The following ARSK variants were observed in gnomAD, a reference collection of about 807,000 sequenced individuals.
ARSK encodes arylsulfatase family member K, also known as arylsulfatase K.
Under a neutral mutation model 53.2 loss-of-function variants are expected in ARSK, and 37 were observed. The ratio of observed to expected loss-of-function variants is 0.70; its 90% confidence interval spans 0.54 to 0.92. The LOEUF (loss-of-function observed/expected upper bound fraction) is 0.92, where lower values mean the gene tolerates loss of function less well. Ranked by LOEUF, ARSK falls within the 40% of genes least tolerant of loss-of-function variation. ARSK has a pLI of 0.00. For synonymous variants in ARSK, 208 were observed against 223.2 expected, an observed-to-expected ratio of 0.93 and a Z score of 0.61; for missense variants, 613 against 643.0, an observed-to-expected ratio of 0.95 and a Z score of 0.51.
intron 3 of ARSK, among the ~76,000 whole-genome samples, chr5:95,577,929 G>A (rs1443490385): frequency 1.3e-5 from 2 of 152,128 alleles, no homozygotes; most frequent in African/African-American, 4.8e-5. Context: ...ACCAAAAAAT[G>A]AAACAGTTGT....
rs554772206 is a variant in ARSK at position 95,590,039 on chromosome 5, A to G, written c.872-1362A>G. Among the ~76,000 whole-genome samples the G allele has an allele frequency of 1.1e-4, 17 of 152,334 alleles. 1 individual carries two copies. Among genetic ancestry groups the G allele is most frequent in the African/African-American group, 3.4e-4 (14 of 41,586 alleles). ...AGCATAATCGGTAAACATTTATTGA[A>G]TGAGCATAAATGCTAAGAATTACAA... On this transcript the variant is annotated intron_variant, in intron 5 of 7. Coordinates refer to ENST00000380009, the MANE Select transcript of ARSK (RefSeq NM_198150.3).
intron 3 of ARSK, among the ~76,000 whole-genome samples, chr5:95,578,066 T>TGATCCC (rs1748955464): frequency 6.6e-6 from 1 of 152,158 alleles, no homozygotes; most frequent in East Asian, 1.9e-4. Flanking sequence ...AACAGACTGT[T>TGATCCC]TTTGGGAGTG....
Position 95,567,915 on chromosome 5 carries a change from C to T in ARSK, c.282C>T (p.His94=), listed in dbSNP as rs766448125. The change falls in exon 3 of 8, where the codon CAC becomes CAT. Residue 94 remains histidine (H), a synonymous_variant. Coordinates refer to ENST00000380009, the MANE Select transcript of ARSK (RefSeq NM_198150.3). ...RAAMWSGLFT[H]LTESWNNFKG... ...CAATGTGGAGTGGCCTCTTCACTCA[C>T]TTAACAGAATCTTGGAATAATTTTA... The T allele has an allele frequency of 6.2e-7, 1 of 1,610,052 alleles. No homozygotes were observed. Among genetic ancestry groups the T allele is most frequent in the Non-Finnish European group, 8.5e-7 (1 of 1,178,052 alleles).
At chr5:95,602,831 G>A (rs1749425771) in intron 7 of ARSK, among the ~76,000 whole-genome samples, 1 of 152,106 alleles carries the variant, frequency 6.6e-6, no homozygotes, top group South Asian at 2.1e-4. Context: ...AACATGACTT[G>A]TCTATATAAA....
chr5:95,581,980 T>G (rs1176460216), intron 3 of ARSK, among the ~76,000 whole-genome samples: 1 of 152,136 alleles, frequency 6.6e-6, no homozygotes, highest in Non-Finnish European at 1.5e-5. Context: ...GGGTATAAAA[T>G]TTTTCTATTT....
Position 95,594,563 on chromosome 5 carries a change from T to G in ARSK, c.1096+2938T>G, listed in dbSNP as rs117192058. On this transcript the variant is annotated intron_variant, in intron 6 of 7. Coordinates refer to ENST00000380009, the MANE Select transcript of ARSK (RefSeq NM_198150.3). The stretch of plus-strand genomic sequence containing the variant: ...TTATATTAGAAATAGTCCTTCTTGC[T>G]GGGCACGGTGGCTCACGCCTGTAAT... Among the ~76,000 whole-genome samples, 412 of 152,212 alleles carry G rather than the reference T, an allele frequency of 2.7e-3. 15 individuals are homozygous for G. In the East Asian group the frequency reaches 0.068, roughly 25 times the overall value.
At chr5:95,557,079 C>T (rs2112406406) in intron 1 of ARSK, 1 of 152,022 alleles carries the variant, frequency 6.6e-6, no homozygotes, top group Admixed American at 6.5e-5. Context: ...TTTGCATTCA[C>T]ATACTTGTTA....
chr5:95,582,431 A>C (rs72781496), intron 3 of ARSK, among the ~76,000 whole-genome samples: 7,569 of 152,196 alleles, frequency 0.05, 253 homozygotes, highest in Non-Finnish European at 0.074. Flanking sequence ...TTAATAAAGA[A>C]AAGATAGAGC....
chr5:95,576,485 T>C (rs1396823324), intron 3 of ARSK, among the ~76,000 whole-genome samples: 1 of 151,746 alleles, frequency 6.6e-6, no homozygotes, highest in Non-Finnish European at 1.5e-5. Flanking sequence ...GTGTGAGCCA[T>C]TGTGCCCAGC....
intron 6 of ARSK, 102 bp from the exon 7 acceptor site, chr5:95,600,745 G>C: frequency 8.7e-7 from 1 of 1,143,942 alleles, no homozygotes; most frequent in Non-Finnish European, 1.3e-6. Context: ...AGTCTCCATG[G>C]CATTTAATGG....
chr5:95,567,813 T>G (rs912734677), intron 2 of ARSK, 77 bp from the exon 3 acceptor site: 4 of 1,413,264 alleles, frequency 2.8e-6, no homozygotes, highest in Non-Finnish European at 3.8e-6. Flanking sequence ...AGTGGACTGC[T>G]CTCTCAGAGT....
chr5:95,555,316 C>T lies in ARSK; in HGVS notation c.38C>T (p.Ala13Val), dbSNP rs757684496. 2.1e-5 allele frequency: 33 copies of T among 1,600,712 alleles called. No homozygotes were observed. The highest frequency in any genetic ancestry group is 3.4e-5 in the Admixed American group (2 of 59,438). ...LLWVSVVAAL[A>V]LAVLAPGAGE... is the part of the protein sequence containing the mutation. ...TGGGTGTCGGTGGTCGCAGCCTTGG[C>T]GCTGGCGGTACTGGCCCCCGGAGCA... Residue 13 changes from alanine to valine, a missense_variant, in exon 1 of 8, where the codon GCG becomes GTG. By Grantham distance (64) the Ala-to-Val change is moderately conservative. Transcript: ENST00000380009. This position sits in a 1 kb window ranked among gnomAD's most constrained non-coding sequence, Gnocchi z 4.0.
chr5:95,601,918 A>T (rs1749406906), intron 7 of ARSK, among the ~76,000 whole-genome samples: 2 of 152,172 alleles, frequency 1.3e-5, no homozygotes, highest in Admixed American at 1.3e-4. Context: ...TTGTCAAATG[A>T]AATTTATGGG....
chr5:95,592,263 G>C (rs13356359), intron 6 of ARSK, among the ~76,000 whole-genome samples: 205 of 152,090 alleles, frequency 1.3e-3, no homozygotes, highest in Non-Finnish European at 2.5e-3. Flanking sequence ...TCTGTTCTAA[G>C]GCACCATCAA....
chr5:95,586,018 T>C (rs942208028), intron 4 of ARSK, among the ~76,000 whole-genome samples: 2 of 152,200 alleles, frequency 1.3e-5, no homozygotes, highest in African/African-American at 4.8e-5. Context: ...TTTGAACTTT[T>C]TGAAAGTTAC....
rs1449136973 is a variant in ARSK, at chr5:95,555,819, G to A, written c.126+415G>A. On this transcript the variant is annotated intron_variant, in intron 1 of 7. Transcript: ENST00000380009. The surrounding 1 kb of genome is among the most constrained non-coding windows in gnomAD (Gnocchi z 4.0). ...TCAAGTTTGCAGGAATTCATGTTTGGGTGAGAAGTGAAGAAAGTTTATTTT... is the reference window on the plus strand; with the variant it reads ...TCAAGTTTGCAGGAATTCATGTTTGAGTGAGAAGTGAAGAAAGTTTATTTT... Among the ~76,000 whole-genome samples the A allele has an allele frequency of 3.3e-5, 5 of 152,026 alleles. No individual in the cohort carries two copies. The highest frequency in any genetic ancestry group is 1.2e-4 in the African/African-American group (5 of 41,384).
At chr5:95,556,344 G>A in intron 1 of ARSK, 1 of 664,760 alleles carries the variant, frequency 1.5e-6, no homozygotes, top group Non-Finnish European at 2.7e-6. Flanking sequence ...TTATTACAGA[G>A]TGCTCTTGTA....
At chr5:95,597,085 T>C (rs1192300564) in intron 6 of ARSK, among the ~76,000 whole-genome samples, 1 of 152,140 alleles carries the variant, frequency 6.6e-6, no homozygotes, top group Non-Finnish European at 1.5e-5. Context: ...CCCGAAATAT[T>C]TTCTTCTCTA....
intron 1 of ARSK, among the ~76,000 whole-genome samples, chr5:95,561,523 C>T (rs953696123): frequency 2.0e-5 from 3 of 152,084 alleles, no homozygotes; most frequent in African/African-American, 7.2e-5. Flanking sequence ...CCCAAATGCC[C>T]ATCAATTGAT....
Sources: allele counts gnomAD v4.1 joint callset (sites outside exome capture counted in the v4.1 genomes callset), GRCh38; gene constraint gnomAD v4.1.1; non-coding constraint Gnocchi (gnomAD v3.1); transcripts MANE v1.5; gene names NCBI Gene and HGNC (gene_info 2026-07-23, HGNC 2026-07-21).